MYLK4: variants seen among roughly 807,000 people sequenced by gnomAD.
MYLK4 encodes the protein myosin light chain kinase family member 4.
A neutral mutation model predicts 48.1 loss-of-function variants in MYLK4; 46 were observed. That is an observed-to-expected ratio of 0.96 (90% CI 0.75 to 1.22). MYLK4 has a LOEUF of 1.22. Among genes scored for constraint, MYLK4 ranks in the 50% most tolerant of loss-of-function variants. MYLK4 has a pLI of 0.00. For missense variants in MYLK4, 451 were observed against 486.1 expected, an observed-to-expected ratio of 0.93 and a Z score of 0.68; for synonymous variants, 170 against 180.8, an observed-to-expected ratio of 0.94 and a Z score of 0.48.
rs1761873895 is a variant in MYLK4, at chr6:2,693,010, A to C, written c.160-151T>G. 40 of 674,548 alleles carry C rather than the reference A, an allele frequency of 5.9e-5. No homozygotes were observed. The South Asian group carries it at 7.3e-4, about 12-fold the overall frequency. The allele number at this position is 674,548 out of a possible 1,614,324, so 41.8% of individuals were successfully genotyped here. A position where few individuals can be genotyped will look rare whatever the true frequency, so the allele number is the denominator to read the frequency against. The stretch of plus-strand genomic sequence containing the variant: ...AGCATCACTGGCCTCTATCCACCAG[A>C]TGCCAGTAGCACCCTCCCTCCCAGT... On this transcript the variant is annotated intron_variant, in intron 2 of 12. Coordinates refer to ENST00000274643, the MANE Select transcript of MYLK4 (RefSeq NM_001012418.5).
chr6:2,682,954 G>A, intron 7 of MYLK4, 67 bp downstream of exon 7: 1 of 1,574,790 alleles, frequency 6.4e-7, no homozygotes, highest in Non-Finnish European at 8.7e-7. Context: ...GCATATAATA[G>A]CAGACAGGGC....
At chr6:2,766,067 G>A in the MYLK4 span, 8 of 1,295,392 alleles carry the variant, frequency 6.2e-6, no homozygotes, top group Non-Finnish European at 7.8e-6. Flanking sequence ...CGCCGCCGCG[G>A]CGGGGAGCGC....
the MYLK4 span, among the ~76,000 whole-genome samples, chr6:2,763,962 T>TTA: frequency 6.6e-6 from 1 of 152,170 alleles, no homozygotes; most frequent in Non-Finnish European, 1.5e-5. Context: ...AAACCCCGTC[T>TTA]GTACTAAAAA....
At chr6:2,671,113 G>A (rs1466518580) in intron 12 of MYLK4, among the ~76,000 whole-genome samples, 163 bp downstream of exon 12, 1 of 152,156 alleles carries the variant, frequency 6.6e-6, no homozygotes, top group Non-Finnish European at 1.5e-5. Flanking sequence ...GTAAGAAAGA[G>A]CAGAGGCAGG....
the MYLK4 span, among the ~76,000 whole-genome samples, chr6:2,763,352 G>A: frequency 6.9e-4 from 105 of 152,364 alleles, no homozygotes; most frequent in African/African-American, 2.4e-3. Flanking sequence ...CTCAGCTCTG[G>A]GGTGGTGAAC....
chr6:2,750,525 T>C (rs890839687), intron 1 of MYLK4, among the ~76,000 whole-genome samples: 6 of 152,218 alleles, frequency 3.9e-5, no homozygotes, highest in African/African-American at 1.4e-4. Flanking sequence ...TAAAATACTA[T>C]GGTTAATTGC....
the MYLK4 span, among the ~76,000 whole-genome samples, chr6:2,762,673 C>A: frequency 6.6e-6 from 1 of 152,224 alleles, no homozygotes; most frequent in African/African-American, 2.4e-5. Context: ...TTTTTACTCT[C>A]ATTAACTTGA....
intron 2 of MYLK4, among the ~76,000 whole-genome samples, chr6:2,707,540 C>A (rs1162171697): frequency 6.6e-6 from 1 of 152,186 alleles, no homozygotes; most frequent in Admixed American, 6.5e-5. Flanking sequence ...CAAAATTAAT[C>A]ATACTGGCAT....
chr6:2,679,391 T>A lies in MYLK4; in HGVS notation c.776A>T (p.Lys259Met). The A allele has an allele frequency of 6.2e-7, 1 of 1,614,178 alleles. No individual in the cohort carries two copies. The highest frequency in any genetic ancestry group is 8.5e-7 in the Non-Finnish European group (1 of 1,180,020). Residue 259 changes from lysine (K) to methionine (M), a missense_variant, in exon 9 of 13, where the codon AAG becomes ATG. By Grantham distance (95) the Lys-to-Met change is moderately conservative (BLOSUM62 -1). Transcript: ENST00000274643. ...TGGGGTTCCAAAGTTCACCTTCAGCTTCTCTCTGGGTTTGTATCTGCAATT... is the reference window on the plus strand; with the variant it reads ...TGGGGTTCCAAAGTTCACCTTCAGCATCTCTCTGGGTTTGTATCTGCAATT... ...GLARRYKPRE[K>M]LKVNFGTPEF... is the part of the protein sequence containing the mutation.
At chr6:2,763,932 AGG>A in the MYLK4 span, among the ~76,000 whole-genome samples, 2 of 152,086 alleles carry the variant, frequency 1.3e-5, no homozygotes, top group African/African-American at 4.8e-5. Flanking sequence ...GGATCACCTG[AGG>A]TCGGGAGTTC....
At position 2,672,341 on chromosome 6, in the gene MYLK4, G is replaced by A. The variant is rs112602543; in HGVS notation, c.1120-993C>T. Among the ~76,000 whole-genome samples the A allele has an allele frequency of 1.2e-4, 18 of 152,254 alleles. No individual in the cohort carries two copies. The highest frequency in any genetic ancestry group is 2.1e-4 in the South Asian group (1 of 4,826). On this transcript the variant is annotated intron_variant, in intron 11 of 12. Coordinates refer to ENST00000274643, the MANE Select transcript of MYLK4 (RefSeq NM_001012418.5). The surrounding 1 kb of genome is among the most constrained non-coding windows in gnomAD (Gnocchi z 4.3). ...AGGTTATACACAGAGGGTTGGGGAC[G>A]TAAGAAAGGCTGCAAACCATCGCAT...
chr6:2,729,853 G>A (rs1056282490), intron 2 of MYLK4, among the ~76,000 whole-genome samples: 2 of 152,120 alleles, frequency 1.3e-5, no homozygotes, highest in Non-Finnish European at 2.9e-5. Context: ...AAGCAAGAAG[G>A]GTGGCTGGAG....
chr6:2,675,602 C>T (rs989335627), intron 10 of MYLK4, among the ~76,000 whole-genome samples: 4 of 151,946 alleles, frequency 2.6e-5, no homozygotes, highest in Non-Finnish European at 4.4e-5. Context: ...GAAATAGAGT[C>T]GATGTAATTA....
chr6:2,723,314 T>C (rs7763644), intron 2 of MYLK4, among the ~76,000 whole-genome samples: 151,583 of 152,356 alleles, frequency 0.99, 75,414 homozygotes, highest in Middle Eastern at 1. Flanking sequence ...AAAGAAAAAG[T>C]TATGTGAGTG....
chr6:2,744,645 G>A (rs910913120), intron 2 of MYLK4, among the ~76,000 whole-genome samples: 2 of 152,120 alleles, frequency 1.3e-5, no homozygotes, highest in African/African-American at 2.4e-5. Context: ...CTGTCCCTCT[G>A]CACATCCTGT....
the MYLK4 span, among the ~76,000 whole-genome samples, chr6:2,765,223 C>T: frequency 2.4e-5 from 3 of 127,250 alleles, no homozygotes; most frequent in Non-Finnish European, 3.2e-5. Flanking sequence ...AAAGGCTGTT[C>T]TCAGAGTCGG....
intron 2 of MYLK4, among the ~76,000 whole-genome samples, chr6:2,745,047 G>T (rs947167533): frequency 6.6e-6 from 1 of 152,174 alleles, no homozygotes; most frequent in African/African-American, 2.4e-5. Flanking sequence ...AGGCAGGTGG[G>T]GAAAACCAAC....
intron 4 of MYLK4, among the ~76,000 whole-genome samples, chr6:2,686,358 A>C (rs1561839538): frequency 6.6e-6 from 1 of 152,244 alleles, no homozygotes; most frequent in Non-Finnish European, 1.5e-5. Flanking sequence ...CATATGTAAC[A>C]ATACTGCATA....
At chr6:2,704,785 C>T (rs1055431380) in intron 2 of MYLK4, among the ~76,000 whole-genome samples, 7 of 152,216 alleles carry the variant, frequency 4.6e-5, no homozygotes, top group Non-Finnish European at 8.8e-5. Context: ...TTTCTTTGCA[C>T]ATCTCCTAGC....
Sources: allele counts gnomAD v4.1 joint callset (sites outside exome capture counted in the v4.1 genomes callset), GRCh38; gene constraint gnomAD v4.1.1; non-coding constraint Gnocchi (gnomAD v3.1); transcripts MANE v1.5; gene names NCBI Gene and HGNC (gene_info 2026-07-23, HGNC 2026-07-21).